The following IRS1 variants were observed in gnomAD, a reference collection of about 807,000 sequenced individuals.
IRS1 encodes insulin receptor substrate 1.
In IRS1, 34 loss-of-function variants were observed where a neutral mutation model predicts 65.6. The observed-to-expected ratio is 0.52, with a 90% CI of 0.39 to 0.69. The LOEUF (loss-of-function observed/expected upper bound fraction) is 0.69, where lower values mean the gene tolerates loss of function less well. Ranked by LOEUF, IRS1 falls within the 30% of genes least tolerant of loss-of-function variation. IRS1 has a pLI of 0.00. For missense variants in IRS1, 1,641 were observed against 1,720.2 expected, an observed-to-expected ratio of 0.95 and a Z score of 0.81; for synonymous variants, 699 against 683.5, an observed-to-expected ratio of 1.02 and a Z score of -0.35.
chr2:226,788,031 C>T (rs563926330), intron 1 of IRS1, among the ~76,000 whole-genome samples: 2 of 141,648 alleles, frequency 1.4e-5, no homozygotes, highest in African/African-American at 5.0e-5. Flanking sequence ...AAAAAAAAAA[C>T]GTCTCTTTGA....
intron 1 of IRS1, among the ~76,000 whole-genome samples, chr2:226,791,167 C>T (rs956210402): frequency 6.6e-6 from 1 of 152,094 alleles, no homozygotes; most frequent in African/African-American, 2.4e-5. Flanking sequence ...AAGGAATTCC[C>T]CCTCCCCCCA....
chr2:226,753,589 T>C (rs1938731087), intron 1 of IRS1, among the ~76,000 whole-genome samples: 2 of 152,214 alleles, frequency 1.3e-5, no homozygotes, highest in South Asian at 4.1e-4. Context: ...ATATAACTGG[T>C]ACTCAATTAA....
chr2:226,754,393 A>T (rs1231808543), intron 1 of IRS1, among the ~76,000 whole-genome samples: 1 of 152,248 alleles, frequency 6.6e-6, no homozygotes. Flanking sequence ...AAAACAATAT[A>T]GCCATCATTT....
rs539121964 is a variant in IRS1 at position 226,788,019 on chromosome 2, CA to C, written c.*21+6969del. Among the ~76,000 whole-genome samples, 212 of 140,528 alleles carry C rather than the reference CA, an allele frequency of 1.5e-3. 2 individuals carry two copies. The highest frequency in any genetic ancestry group is 3.6e-3 in the Middle Eastern group (1 of 274). The allele number at this position is 140,528 out of a possible 152,430, so 92.2% of individuals were successfully genotyped here. A position where few individuals can be genotyped will look rare whatever the true frequency, so the allele number is the denominator to read the frequency against. ...ATTTGTTTGCCACATTACATATATT[CA>C]AAAAAAAAAACGTCTCTTTGATCAT... On this transcript the variant is annotated intron_variant, in intron 1 of 1. Coordinates refer to ENST00000305123, the MANE Select transcript of IRS1 (RefSeq NM_005544.3).
chr2:226,740,216 G>A (rs1317883342), intron 1 of IRS1, among the ~76,000 whole-genome samples: 3 of 152,208 alleles, frequency 2.0e-5, no homozygotes, highest in South Asian at 4.1e-4. Flanking sequence ...CACCTGTCAC[G>A]AGATTTAGTA....
rs1938243327 is a variant in IRS1 at position 226,732,546 on chromosome 2, GTA to G, written c.*3724_*3725del. ...TGTGTGTATATATATCTATATATGTGTATATATATCTATATATGTGTGTATAT... is the reference window on the plus strand; with the variant it reads ...TGTGTGTATATATATCTATATATGTGTATATATCTATATATGTGTGTATAT... On this transcript the variant is annotated 3_prime_UTR_variant, in exon 2 of 2. Transcript: ENST00000305123. 3 of 145,518 alleles carry G rather than the reference GTA, an allele frequency of 2.1e-5. No homozygotes were observed. The highest frequency in any genetic ancestry group is 4.3e-4 in the South Asian group (2 of 4,630). 9.0% of individuals were successfully genotyped at this position (145,518 alleles called of 1,614,324 possible).
At chr2:226,751,274 A>ATTTTTTTTTTTTTT (rs35699614) in intron 1 of IRS1, among the ~76,000 whole-genome samples, 2 of 77,550 alleles carry the variant, frequency 2.6e-5, no homozygotes, top group African/African-American at 5.2e-5. Context: ...CCACACGGGT[A>ATTTTTTTTTTTTTT]TTTTTTTTTT....
At chr2:226,764,855 A>G (rs1227289145) in intron 1 of IRS1, among the ~76,000 whole-genome samples, 2 of 152,226 alleles carry the variant, frequency 1.3e-5, no homozygotes, top group African/African-American at 2.4e-5. Flanking sequence ...AAGATGTACC[A>G]TAAGACACTA....
At position 226,796,826 on chromosome 2, in the gene IRS1, T is replaced by C; in HGVS notation, c.1913A>G (p.Lys638Arg). 6.4e-7 allele frequency: 1 copy of C among 1,561,202 alleles called. No individual in the cohort carries two copies. Among genetic ancestry groups the C allele is most frequent in the Admixed American group, 1.8e-5 (1 of 55,990 alleles). ...GATCTGCTGTGGGGCAGATACGCTCTTGGGGCTCATGGGCATATAGTCTCC... is the reference window on the plus strand; with the variant it reads ...GATCTGCTGTGGGGCAGATACGCTCCTGGGGCTCATGGGCATATAGTCTCC... ...GSGDYMPMSPKSVSAPQQIIN... is the reference protein window; with the variant it reads ...GSGDYMPMSPRSVSAPQQIIN... The change falls in exon 1 of 2, where the codon AAG becomes AGG. Residue 638 changes from lysine (K) to arginine (R), a missense_variant. Around this residue, in one of 3 missense-constraint regions of IRS1, gnomAD observed 1,324 missense variants for 1,361.0 expected, o/e 0.97. Transcript: ENST00000305123.
At chr2:226,757,716 C>T (rs1197380694) in intron 1 of IRS1, among the ~76,000 whole-genome samples, 2 of 152,144 alleles carry the variant, frequency 1.3e-5, no homozygotes. Context: ...CATATCTGTG[C>T]TAACTACTCT....
chr2:226,764,729 T>G (rs1938993705), intron 1 of IRS1, among the ~76,000 whole-genome samples: 2 of 152,188 alleles, frequency 1.3e-5, no homozygotes, highest in African/African-American at 2.4e-5. Context: ...CGCCACAGCA[T>G]AACCTCTGTG....
At chr2:226,743,784 T>G (rs903629770) in intron 1 of IRS1, among the ~76,000 whole-genome samples, 5 of 152,176 alleles carry the variant, frequency 3.3e-5, no homozygotes, top group African/African-American at 1.2e-4. Context: ...GATACAGGTT[T>G]TATAGGTCTG....
Position 226,798,547 on chromosome 2 carries a change from G to T in IRS1, c.192C>A (p.Ile64=). ...TGATGTTGAAGCAGCTCTCAAGGGG[G>T]ATCGAGCGTTTGGGGGCGCTCGACT... ...RHKSSAPKRS[I]PLESCFNINK... is the part of the protein sequence containing the mutation. Residue 64 remains isoleucine (I), a synonymous_variant, in exon 1 of 2, where the codon ATC becomes ATA. Transcript: ENST00000305123. The surrounding 1 kb of genome is among the most constrained non-coding windows in gnomAD (Gnocchi z 9.4). 1 of 1,614,048 alleles carries T rather than the reference G, an allele frequency of 6.2e-7. No individual in the cohort carries two copies. The highest frequency in any genetic ancestry group is 2.2e-5 in the East Asian group (1 of 44,878).
intron 1 of IRS1, among the ~76,000 whole-genome samples, chr2:226,789,826 A>G (rs1939554630): frequency 6.6e-6 from 1 of 152,220 alleles, no homozygotes; most frequent in African/African-American, 2.4e-5. Flanking sequence ...CAGTCTAGAG[A>G]TGGTTCCAAA....
intron 1 of IRS1, among the ~76,000 whole-genome samples, chr2:226,782,276 T>C (rs959885157): frequency 6.6e-6 from 1 of 152,178 alleles, no homozygotes; most frequent in Non-Finnish European, 1.5e-5. Flanking sequence ...TTCTGTAACC[T>C]CAGGAACATT....
chr2:226,798,418 G>T lies in IRS1; in HGVS notation c.321C>A (p.Tyr107Ter), dbSNP rs1211505539. 6.2e-7 allele frequency: 1 copy of T among 1,614,078 alleles called. No individual in the cohort carries two copies. Among genetic ancestry groups the T allele is most frequent in the Non-Finnish European group, 8.5e-7 (1 of 1,180,018 alleles). ...ADSEAEQDSW[Y>*]QALLQLHNRA... ...GGTTGTGCAGCTGTAGGAGAGCCTG[G>T]TACCAGCTGTCTTGCTCGGCCTCGC... The change falls in exon 1 of 2, where the codon TAC becomes TAA. Residue 107 changes from tyrosine (Y) to a stop codon, truncating the protein, a stop_gained. Coordinates refer to ENST00000305123, the MANE Select transcript of IRS1 (RefSeq NM_005544.3). LOFTEE classifies it high-confidence loss of function. This position sits in a 1 kb window ranked among gnomAD's most constrained non-coding sequence, Gnocchi z 9.4.
intron 1 of IRS1, among the ~76,000 whole-genome samples, chr2:226,751,426 G>A (rs866207414): frequency 2.0e-5 from 3 of 151,924 alleles, no homozygotes; most frequent in African/African-American, 7.3e-5. Context: ...TGGGACTACA[G>A]GCGCCTGCCA....
chr2:226,760,192 A>G (rs1431504829), intron 1 of IRS1, among the ~76,000 whole-genome samples: 1 of 152,152 alleles, frequency 6.6e-6, no homozygotes, highest in Admixed American at 6.6e-5. Flanking sequence ...AAATAATAAT[A>G]ATAATGCATA....
intron 1 of IRS1, among the ~76,000 whole-genome samples, chr2:226,752,442 A>G (rs1938703613): frequency 6.6e-6 from 1 of 152,186 alleles, no homozygotes; most frequent in Non-Finnish European, 1.5e-5. Context: ...CAGTAAATAA[A>G]GTTTTATGGC....
Sources: gnomAD v4.1 joint callset for allele counts (sites outside exome capture counted in the v4.1 genomes callset) on GRCh38, gnomAD v4.1.1 for gene constraint, gnomAD v4.1.1 regional missense constraint, Gnocchi (gnomAD v3.1) non-coding constraint, MANE v1.5 for transcripts, NCBI Gene and HGNC (gene_info 2026-07-23, HGNC 2026-07-21) for gene names.